SLC22A15: variants seen among roughly 807,000 people sequenced by gnomAD.
The protein encoded by SLC22A15 is solute carrier family 22 member 15.
Under a neutral mutation model 62.7 loss-of-function variants are expected in SLC22A15, and 45 were observed. The observed-to-expected ratio is 0.72, with a 90% confidence interval of 0.56 to 0.92. The LOEUF (loss-of-function observed/expected upper bound fraction) is 0.92, where lower values mean the gene tolerates loss of function less well. SLC22A15 is among the 40% of genes least tolerant of loss of function. The pLI is 0.00. For missense variants in SLC22A15, 622 were observed against 665.6 expected, an observed-to-expected ratio of 0.93 and a Z score of 0.72; for synonymous variants, 264 against 267.0, an observed-to-expected ratio of 0.99 and a Z score of 0.11.
At chr1:116,008,900 A>T (rs1656113760) in intron 2 of SLC22A15, among the ~76,000 whole-genome samples, 1 of 152,052 alleles carries the variant, frequency 6.6e-6, no homozygotes, top group Admixed American at 6.6e-5. Flanking sequence ...AGGTGATGTG[A>T]CCTGGGGCAT....
chr1:116,018,651 C>G (rs973783369), intron 2 of SLC22A15, among the ~76,000 whole-genome samples: 1 of 152,078 alleles, frequency 6.6e-6, no homozygotes, highest in Non-Finnish European at 1.5e-5. Context: ...ATTTTATTGA[C>G]ATAATTATAT....
At chr1:116,016,159 C>T (rs1319432656) in intron 2 of SLC22A15, among the ~76,000 whole-genome samples, 1 of 150,940 alleles carries the variant, frequency 6.6e-6, no homozygotes, top group Non-Finnish European at 1.5e-5. Flanking sequence ...TTCTATCCCT[C>T]TCTTCTCTCT....
rs199802534 is a variant in SLC22A15, at chr1:115,998,164, A to G, written c.300+5921A>G. ...CTCATGATGGATGACCTTTTAATGT[A>G]TTGTTGAATTTGGTTTGCTAGTATT... On this transcript the variant is annotated intron_variant, in intron 2 of 11. Transcript: ENST00000369503. Among the ~76,000 whole-genome samples, 4 of 152,084 alleles carry G rather than the reference A, an allele frequency of 2.6e-5. No homozygotes were observed. In the East Asian group the frequency reaches 7.7e-4, roughly 29 times the overall value.
chr1:116,067,947 A>G lies in SLC22A15; in HGVS notation c.*839A>G, dbSNP rs1038396989. 22 of 152,068 alleles carry G rather than the reference A, an allele frequency of 1.4e-4. No individual in the cohort carries two copies. The highest frequency in any genetic ancestry group is 5.3e-4 in the African/African-American group (22 of 41,454). The allele number at this position is 152,068 out of a possible 1,614,324, so 9.4% of individuals were successfully genotyped here. A position where few individuals can be genotyped will look rare whatever the true frequency, so the allele number is the denominator to read the frequency against. ...AATGAGAAAGCTTTAAGTAGAGGGC[A>G]GTTAAACAGTGACATGTTGAGCACC... On this transcript the variant is annotated 3_prime_UTR_variant, in exon 12 of 12. Transcript: ENST00000369503.
At chr1:116,017,541 C>T (rs978999040) in intron 2 of SLC22A15, 2 of 152,152 alleles carry the variant, frequency 1.3e-5, no homozygotes, top group Admixed American at 6.5e-5. Flanking sequence ...TTCCCAATTC[C>T]TGAGCCTTTT....
chr1:116,007,159 A>G (rs955027392), intron 2 of SLC22A15, among the ~76,000 whole-genome samples: 1 of 152,210 alleles, frequency 6.6e-6, no homozygotes, highest in African/African-American at 2.4e-5. Context: ...ATTTCAAGGT[A>G]CAAATTACCT....
At chr1:116,039,996 T>C (rs535117369) in intron 8 of SLC22A15, among the ~76,000 whole-genome samples, 2 of 152,358 alleles carry the variant, frequency 1.3e-5, no homozygotes, top group South Asian at 4.1e-4. Context: ...GCATTTTGTG[T>C]TCCTTTGCCC....
chr1:116,012,251 AAGG>A lies in SLC22A15; in HGVS notation c.301-7328_301-7326del, dbSNP rs568455329. ...ACAAATTTATCACATTTGCAGAGCCAAGGAGAAGTTGCTCAGAGTAGAGGCTGG... is the reference window on the plus strand; with the variant it reads ...ACAAATTTATCACATTTGCAGAGCCAAGAAGTTGCTCAGAGTAGAGGCTGG... On this transcript the variant is annotated intron_variant, in intron 2 of 11. Coordinates refer to ENST00000369503, the MANE Select transcript of SLC22A15 (RefSeq NM_018420.3). 6.6e-5 allele frequency among the ~76,000 whole-genome samples: 10 copies of A among 152,296 alleles called. No homozygotes were observed. The East Asian group carries it at 1.9e-3, about 29-fold the overall frequency.
intron 11 of SLC22A15, 101 bp downstream of exon 11, chr1:116,066,809 A>G: frequency 8.2e-7 from 1 of 1,212,576 alleles, no homozygotes; most frequent in Non-Finnish European, 1.1e-6. Context: ...AAACTGCTGG[A>G]AAACAAAAGT....
Position 116,068,755 on chromosome 1 carries a change from A to G in SLC22A15, c.*1647A>G, listed in dbSNP as rs1286091976. 2 of 152,176 alleles carry G rather than the reference A, an allele frequency of 1.3e-5. No individual in the cohort carries two copies. The highest frequency in any genetic ancestry group is 3.8e-4 in the East Asian group (2 of 5,202). The allele number at this position is 152,176 out of a possible 1,614,324, so 9.4% of individuals were successfully genotyped here. On this transcript the variant is annotated 3_prime_UTR_variant, in exon 12 of 12. Coordinates refer to ENST00000369503, the MANE Select transcript of SLC22A15 (RefSeq NM_018420.3). ...ATCTGACCCAAACTCCCAAATTGTC[A>G]AGTCCTGCTTAACTTTCTCTGGAAA...
At position 116,019,625 on chromosome 1, in the gene SLC22A15, G is replaced by C. The variant is rs745757675; in HGVS notation, c.344G>C (p.Ser115Thr). ...ANRSYKVSAA[S>T]SFFFSGVFVG... ...AGATCCTACAAAGTCAGTGCAGCAA[G>C]CTCTTTTTTCTTCAGTGGTGTATTT... The change falls in exon 3 of 12, where the codon AGC becomes ACC. Residue 115 changes from serine (S) to threonine (T), a missense_variant. Ser to Thr is a moderately conservative substitution (Grantham distance 58). Transcript: ENST00000369503. 6.2e-7 allele frequency: 1 copy of C among 1,612,964 alleles called. No homozygotes were observed. Among genetic ancestry groups the C allele is most frequent in the Non-Finnish European group, 8.5e-7 (1 of 1,179,594 alleles).
chr1:116,054,496 C>T (rs1218851769), intron 8 of SLC22A15, among the ~76,000 whole-genome samples: 4 of 152,008 alleles, frequency 2.6e-5, no homozygotes, highest in Non-Finnish European at 2.9e-5. Context: ...GACAGATCAA[C>T]GAGACAGAAA....
At chr1:116,001,120 T>C (rs1655709596) in intron 2 of SLC22A15, among the ~76,000 whole-genome samples, 1 of 152,216 alleles carries the variant, frequency 6.6e-6, no homozygotes, top group African/African-American at 2.4e-5. Flanking sequence ...GATAAAAGTC[T>C]TTTTCCTTCA....
chr1:116,014,357 G>A (rs191781184), intron 2 of SLC22A15, among the ~76,000 whole-genome samples: 20 of 152,202 alleles, frequency 1.3e-4, no homozygotes, highest in Non-Finnish European at 2.9e-4. Flanking sequence ...CTTTAGATCA[G>A]TGAATGATTA....
chr1:115,992,276 T>A, intron 2 of SLC22A15, 33 bp downstream of exon 2: 1 of 1,495,348 alleles, frequency 6.7e-7, no homozygotes. Context: ...ACTAAATAAA[T>A]GTCTCTCTTT....
At chr1:116,041,797 G>A (rs1407693289) in intron 8 of SLC22A15, among the ~76,000 whole-genome samples, 2 of 152,118 alleles carry the variant, frequency 1.3e-5, no homozygotes, top group Non-Finnish European at 2.9e-5. Flanking sequence ...AGAAACTACT[G>A]AGGCCAGGGG....
chr1:116,030,921 T>A (rs367821104), intron 5 of SLC22A15, among the ~76,000 whole-genome samples: 3 of 152,136 alleles, frequency 2.0e-5, no homozygotes, highest in East Asian at 3.8e-4. Context: ...ATTTCTATCT[T>A]GTCAGGCTTT....
chr1:115,989,049 C>A (rs779936349), intron 1 of SLC22A15, among the ~76,000 whole-genome samples: 5 of 151,992 alleles, frequency 3.3e-5, no homozygotes, highest in Non-Finnish European at 7.3e-5. Flanking sequence ...AGAAGAGTTG[C>A]AAGTTTCTGA....
chr1:116,064,137 C>T lies in SLC22A15; in HGVS notation c.1293-299C>T, dbSNP rs570916702. ...TATGGTAGTTACTGGCTTCATGTAGCTATTTAAGTGTAAATTAATTAAAAT... is the reference window on the plus strand; with the variant it reads ...TATGGTAGTTACTGGCTTCATGTAGTTATTTAAGTGTAAATTAATTAAAAT... On this transcript the variant is annotated intron_variant, in intron 9 of 11. Coordinates refer to ENST00000369503, the MANE Select transcript of SLC22A15 (RefSeq NM_018420.3). 1.9e-4 allele frequency among the ~76,000 whole-genome samples: 29 copies of T among 152,236 alleles called. No homozygotes were observed. In the South Asian group the frequency reaches 6.0e-3, roughly 32 times the overall value.
Sources: gnomAD v4.1 joint callset for allele counts (sites outside exome capture counted in the v4.1 genomes callset) on GRCh38, gnomAD v4.1.1 for gene constraint, MANE v1.5 for transcripts, NCBI Gene and HGNC (gene_info 2026-07-23, HGNC 2026-07-21) for gene names.